SPRY3: variants seen among roughly 807,000 people sequenced by gnomAD.
SPRY3 encodes the protein protein sprouty homolog 3.
Under a neutral mutation model 20.2 loss-of-function variants are expected in SPRY3, and 15 were observed. The observed-to-expected ratio is 0.74, with a 90% CI of 0.50 to 1.14. The LOEUF is 1.14. SPRY3 is among the 50% of genes most tolerant of loss of function. The pLI is 0.00. For synonymous variants in SPRY3, 143 were observed against 136.5 expected, an observed-to-expected ratio of 1.05 and a Z score of -0.33; for missense variants, 364 against 363.9, an observed-to-expected ratio of 1.00 and a Z score of 0.00.
chrX:155,646,871 A>T (rs1231901320), intron 1 of SPRY3, among the ~76,000 whole-genome samples: 2 of 111,286 alleles, frequency 1.8e-5, no homozygotes, highest in African/African-American at 6.5e-5. Flanking sequence ...CTTGTTTCTG[A>T]TCATAGAGGA....
intron 2 of SPRY3, among the ~76,000 whole-genome samples, chrX:155,744,162 G>GA (rs2091215530): frequency 1.3e-5 from 2 of 152,180 alleles, no homozygotes; most frequent in Non-Finnish European, 2.9e-5. Flanking sequence ...GGATGTTTGG[G>GA]AAAACATGTA....
At chrX:155,727,269 C>A (rs146825672) in intron 2 of SPRY3, among the ~76,000 whole-genome samples, 1 of 151,898 alleles carries the variant, frequency 6.6e-6, no homozygotes, top group East Asian at 1.9e-4. Context: ...GTAAATCTGA[C>A]AATTATGTGT....
At chrX:155,760,894 CCATGCTTTAAAGTA>C (rs1247081870) in intron 2 of SPRY3, among the ~76,000 whole-genome samples, 1 of 151,986 alleles carries the variant, frequency 6.6e-6, no homozygotes, top group Non-Finnish European at 1.5e-5. Context: ...GGCTGGGGAC[CCATGCTTTAAAGTA>C]CATGCCATGA....
At chrX:155,710,367 G>A (rs2090978215) in intron 2 of SPRY3, among the ~76,000 whole-genome samples, 1 of 151,642 alleles carries the variant, frequency 6.6e-6, no homozygotes, top group Admixed American at 6.6e-5. Flanking sequence ...TTTCATTGTA[G>A]AGATCTTTAA....
chrX:155,775,519 C>A (rs1319819880), exon 4 of SPRY3: 1 of 167,086 alleles, frequency 6.0e-6, no homozygotes, highest in African/African-American at 2.4e-5. Context: ...AAATGGATTA[C>A]TGTAATGAAC....
At chrX:155,618,959 T>C (rs1557349158) in intron 1 of SPRY3, among the ~76,000 whole-genome samples, 2 of 111,467 alleles carry the variant, frequency 1.8e-5, no homozygotes, top group Non-Finnish European at 1.9e-5. Flanking sequence ...TTGTTAGATA[T>C]GTGGTTTACA....
chrX:155,653,819 A>G (rs2067984256), intron 1 of SPRY3, among the ~76,000 whole-genome samples: 1 of 111,914 alleles, frequency 8.9e-6, no homozygotes, highest in Non-Finnish European at 1.9e-5. Flanking sequence ...TAATAGGAAA[A>G]CCAACTGTTT....
intron 1 of SPRY3, among the ~76,000 whole-genome samples, chrX:155,623,494 G>A (rs900618795): frequency 9.0e-6 from 1 of 111,519 alleles, no homozygotes; most frequent in Non-Finnish European, 1.9e-5. Context: ...ACTTTTTATT[G>A]AACTTGTTTT....
intron 2 of SPRY3, among the ~76,000 whole-genome samples, chrX:155,767,239 A>G (rs144028150): frequency 0.039 from 5,967 of 151,722 alleles, 374 homozygotes; most frequent in African/African-American, 0.14. Context: ...GAGGGGGGAG[A>G]GAAAGAAATT....
At chrX:155,653,557 G>T (rs782018876) in intron 1 of SPRY3, among the ~76,000 whole-genome samples, 3 of 111,732 alleles carry the variant, frequency 2.7e-5, no homozygotes, top group South Asian at 3.8e-4. Flanking sequence ...ATACATAGAT[G>T]TTTGGGTTTA....
intron 1 of SPRY3, among the ~76,000 whole-genome samples, chrX:155,652,548 A>T (rs1053279327): frequency 2.3e-4 from 26 of 111,538 alleles, no homozygotes; most frequent in African/African-American, 8.5e-4. Flanking sequence ...AAATGACAGG[A>T]CCTGTTTTAT....
intron 2 of SPRY3, among the ~76,000 whole-genome samples, chrX:155,764,713 C>T (rs1353426063): frequency 6.6e-6 from 1 of 151,912 alleles, no homozygotes; most frequent in Non-Finnish European, 1.5e-5. Flanking sequence ...ACAAAGGGGG[C>T]CTCTGGAGCA....
intron 1 of SPRY3, among the ~76,000 whole-genome samples, chrX:155,616,130 C>CTCTCTCTCTCTCTCTCTCT (rs11396863): frequency 1.7e-5 from 1 of 57,188 alleles, no homozygotes; most frequent in Non-Finnish European, 3.5e-5. Flanking sequence ...CTCTCTCTCT[C>CTCTCTCTCTCTCTCTCTCT]CTCTCTCTCT....
rs188809516 is a variant in SPRY3, at chrX:155,714,603, G to A, written c.-281-53359G>A. On this transcript the variant is annotated intron_variant, in intron 2 of 3. Transcript: ENST00000675360. ...CTGTGGCCACCACTAGAGGAACTGT[G>A]CTGGGTCAGACCTGAAGCCAGAACA... Among the ~76,000 whole-genome samples, 192 of 152,188 alleles carry A rather than the reference G, an allele frequency of 1.3e-3. No homozygotes were observed. In the East Asian group the frequency reaches 0.033, roughly 26 times the overall value.
intron 2 of SPRY3, among the ~76,000 whole-genome samples, chrX:155,754,896 G>C (rs931669647): frequency 6.6e-6 from 1 of 151,940 alleles, no homozygotes; most frequent in Admixed American, 6.6e-5. Context: ...TTCATTGCTA[G>C]TGTATAGATA....
At chrX:155,649,797 G>C (rs1364063349) in intron 1 of SPRY3, among the ~76,000 whole-genome samples, 2 of 111,026 alleles carry the variant, frequency 1.8e-5, no homozygotes, top group African/African-American at 6.6e-5. Context: ...GGAAATAAAG[G>C]GTATTCAAAT....
At chrX:155,732,605 A>G (rs1394380743) in intron 2 of SPRY3, among the ~76,000 whole-genome samples, 1 of 152,094 alleles carries the variant, frequency 6.6e-6, no homozygotes, top group Non-Finnish European at 1.5e-5. Context: ...CCTCAAAACA[A>G]CTAAAAATAT....
intron 1 of SPRY3, among the ~76,000 whole-genome samples, chrX:155,637,240 G>A (rs1441497130): frequency 9.0e-6 from 1 of 110,774 alleles, no homozygotes; most frequent in Non-Finnish European, 1.9e-5. Context: ...TTTTGTTGGT[G>A]TATAGAAGTG....
rs1330645154 is a variant in SPRY3, at chrX:155,726,766, CTT to C, written c.-281-41194_-281-41193del. Among the ~76,000 whole-genome samples the C allele has an allele frequency of 6.6e-5, 10 of 152,250 alleles. No individual in the cohort carries two copies. The South Asian group carries it at 1.2e-3, about 19-fold the overall frequency. On this transcript the variant is annotated intron_variant, in intron 2 of 3. Coordinates refer to ENST00000675360, the Ensembl canonical transcript of SPRY3. ...TACAGCACACTGATGGGTCTTGACT[CTT>C]TATCCAATTTGCCAGTCTGTGTTGT... is the stretch of plus-strand genomic sequence containing the variant.
Sources: gnomAD v4.1 joint callset for allele counts (sites outside exome capture counted in the v4.1 genomes callset) on GRCh38, gnomAD v4.1.1 for gene constraint, MANE v1.5 for transcripts, NCBI Gene and HGNC (gene_info 2026-07-23, HGNC 2026-07-21) for gene names.